NHSL3: variants seen among roughly 807,000 people sequenced by gnomAD.
The protein encoded by NHSL3 is NHS like 3.
At chr1:32,766,846 G>C in the NHSL3 span, among the ~76,000 whole-genome samples, 2 of 152,282 alleles carry the variant, frequency 1.3e-5, no homozygotes, top group East Asian at 3.9e-4. Flanking sequence ...CTCCACAGGC[G>C]GGGCTTGTAA....
At chr1:32,765,849 G>T in the NHSL3 span, 1 of 1,539,214 alleles carries the variant, frequency 6.5e-7, no homozygotes. Context: ...TGGCTTGGGG[G>T]GAGGGGAGGG....
the NHSL3 span, among the ~76,000 whole-genome samples, chr1:32,756,135 A>G: frequency 6.6e-5 from 10 of 152,334 alleles, no homozygotes; most frequent in African/African-American, 2.2e-4. Context: ...ATTAGAAAGC[A>G]ATGTCAAGAC....
chr1:32,767,803 G>A, the NHSL3 span: 1 of 1,611,232 alleles, frequency 6.2e-7, no homozygotes, highest in Admixed American at 1.7e-5. Context: ...CCAAGGCTGA[G>A]AATGACAAAC....
chr1:32,773,840 C>G, the NHSL3 span: 1 of 152,794 alleles, frequency 6.5e-6, no homozygotes, highest in Non-Finnish European at 1.5e-5. Context: ...GCCTGGCCCT[C>G]CACACTTCAT....
the NHSL3 span, chr1:32,771,264 G>T: frequency 1.2e-6 from 2 of 1,612,486 alleles, no homozygotes; most frequent in Non-Finnish European, 1.7e-6. Context: ...TGGTTCCTGG[G>T]CCTGTTTCTA....
the NHSL3 span, chr1:32,772,283 C>G: frequency 6.3e-7 from 1 of 1,598,302 alleles, no homozygotes; most frequent in East Asian, 2.2e-5. Context: ...GGAGTCCCCC[C>G]ACCCGCCTCC....
the NHSL3 span, among the ~76,000 whole-genome samples, chr1:32,768,365 G>A: frequency 6.6e-6 from 1 of 152,100 alleles, no homozygotes; most frequent in Non-Finnish European, 1.5e-5. Context: ...ACGCTGAGGT[G>A]GGCGGATCAC....
the NHSL3 span, chr1:32,741,954 C>T: frequency 9.9e-7 from 1 of 1,008,594 alleles, no homozygotes; most frequent in Middle Eastern, 4.3e-4. This position sits in a 1 kb window ranked among gnomAD's most constrained non-coding sequence, Gnocchi z 4.3. Context: ...CCCCGCCTGC[C>T]ATGGCGGCCC....
the NHSL3 span, among the ~76,000 whole-genome samples, chr1:32,746,778 T>A: frequency 1.3e-5 from 2 of 152,134 alleles, no homozygotes; most frequent in African/African-American, 4.8e-5. Flanking sequence ...GAGGCCACAC[T>A]CTACAAAGAA....
At chr1:32,765,642 C>T in the NHSL3 span, 1 of 1,530,932 alleles carries the variant, frequency 6.5e-7, no homozygotes, top group African/African-American at 1.4e-5. Flanking sequence ...CTGTCTGGAG[C>T]CGGTGCTCTG....
the NHSL3 span, chr1:32,772,927 AAC>A: frequency 8.7e-6 from 14 of 1,606,808 alleles, no homozygotes; most frequent in Non-Finnish European, 1.1e-5. Context: ...CCATCCCAGA[AAC>A]ACAATCTCAG....
chr1:32,759,825 C>G, the NHSL3 span, among the ~76,000 whole-genome samples: 1 of 152,172 alleles, frequency 6.6e-6, no homozygotes, highest in Non-Finnish European at 1.5e-5. Context: ...GTTGGGTGAC[C>G]TTGAGCAAGT....
the NHSL3 span, chr1:32,771,191 C>G: frequency 1.9e-6 from 3 of 1,611,624 alleles, no homozygotes; most frequent in Non-Finnish European, 2.5e-6. Context: ...GCCCCCTTCT[C>G]CCCACCTCCC....
the NHSL3 span, chr1:32,771,394 C>A: frequency 4.6e-6 from 5 of 1,095,540 alleles, no homozygotes; most frequent in Admixed American, 2.1e-5. Flanking sequence ...ATCTTATCAT[C>A]CACCCCCACC....
At chr1:32,771,645 T>A in the NHSL3 span, 1 of 1,612,654 alleles carries the variant, frequency 6.2e-7, no homozygotes, top group Non-Finnish European at 8.5e-7. Context: ...CCTCCTCAGC[T>A]ACTGCTTTGC....
At chr1:32,768,692 G>C in the NHSL3 span, 1 of 1,614,040 alleles carries the variant, frequency 6.2e-7, no homozygotes, top group African/African-American at 1.3e-5. Context: ...ATCTCCTTCT[G>C]CAGTCAGACC....
chr1:32,763,134 C>T, the NHSL3 span, among the ~76,000 whole-genome samples: 9 of 152,116 alleles, frequency 5.9e-5, no homozygotes, highest in South Asian at 1.7e-3. Flanking sequence ...GTACACACCA[C>T]CACCATGCCC....
chr1:32,742,219 G>A, the NHSL3 span: 1 of 1,238,382 alleles, frequency 8.1e-7, no homozygotes, highest in Non-Finnish European at 1.0e-6. Flanking sequence ...GGCTGAGCGC[G>A]GGGGGGCGTC....
At chr1:32,771,874 C>T in the NHSL3 span, 1 of 1,594,630 alleles carries the variant, frequency 6.3e-7, no homozygotes, top group Admixed American at 1.7e-5. Context: ...AGGAGGGGCT[C>T]CCACCCCAGC....
Sources: allele counts gnomAD v4.1 joint callset (sites outside exome capture counted in the v4.1 genomes callset), GRCh38; gene constraint gnomAD v4.1.1; non-coding constraint Gnocchi (gnomAD v3.1); transcripts MANE v1.5; gene names NCBI Gene and HGNC (gene_info 2026-07-23, HGNC 2026-07-21).